The following NWD2 variants were observed in gnomAD, a reference collection of about 807,000 sequenced individuals.
NWD2 encodes NACHT and WD repeat domain containing 2.
Under a neutral mutation model 132.7 loss-of-function variants are expected in NWD2, and 37 were observed. The observed-to-expected ratio is 0.28, with a 90% CI of 0.21 to 0.37. The LOEUF is 0.37. Among genes scored for constraint, NWD2 ranks in the 10% least tolerant of loss-of-function variants. The probability of loss-of-function intolerance (pLI) is 1.00; values close to 1 mark genes in which losing one functional copy is unlikely to be tolerated. For synonymous variants in NWD2, 705 were observed against 803.0 expected, an observed-to-expected ratio of 0.88 and a Z score of 2.06; for missense variants, 1,592 against 2,122.4, an observed-to-expected ratio of 0.75 and a Z score of 4.91.
At chr4:37,259,491 T>C (rs1717586732) in intron 1 of NWD2, among the ~76,000 whole-genome samples, 1 of 152,194 alleles carries the variant, frequency 6.6e-6, no homozygotes, top group East Asian at 1.9e-4. Context: ...GTCTTCCTCG[T>C]GACCTGAGTC....
chr4:37,331,677 AC>A (rs1264667652), intron 2 of NWD2, among the ~76,000 whole-genome samples: 2 of 152,254 alleles, frequency 1.3e-5, no homozygotes, highest in East Asian at 3.9e-4. Context: ...CTGAAGGAAC[AC>A]CAAACTAAAC....
intron 3 of NWD2, among the ~76,000 whole-genome samples, chr4:37,410,284 G>A (rs970477666): frequency 6.6e-6 from 1 of 152,062 alleles, no homozygotes; most frequent in Admixed American, 6.6e-5. Flanking sequence ...ACACACATAG[G>A]CTCAAAATAA....
chr4:37,398,864 T>A (rs1720852888), intron 3 of NWD2, among the ~76,000 whole-genome samples: 1 of 152,130 alleles, frequency 6.6e-6, no homozygotes, highest in African/African-American at 2.4e-5. Context: ...GAATGCTGGC[T>A]AAGAAATAAG....
intron 3 of NWD2, among the ~76,000 whole-genome samples, chr4:37,397,053 A>G (rs1327068465): frequency 6.6e-6 from 1 of 151,112 alleles, no homozygotes; most frequent in Non-Finnish European, 1.5e-5. Flanking sequence ...AAGCGAAGCA[A>G]CTCCTCTGGT....
At chr4:37,294,224 C>T (rs879504030) in intron 1 of NWD2, among the ~76,000 whole-genome samples, 28 of 152,252 alleles carry the variant, frequency 1.8e-4, no homozygotes, top group Non-Finnish European at 2.6e-4. Flanking sequence ...TGAAACAGTA[C>T]GTACACATCG....
rs557063807 is a variant in NWD2, at chr4:37,326,957, A to G, written c.240+933A>G. Among the ~76,000 whole-genome samples the G allele has an allele frequency of 2.0e-5, 3 of 152,308 alleles. No individual in the cohort carries two copies. In the East Asian group the frequency reaches 5.8e-4, roughly 29 times the overall value. On this transcript the variant is annotated intron_variant, in intron 2 of 6. Transcript: ENST00000309447. ...CTCGAAATGGCTTCAATCTCAATGC[A>G]TAATGTCTTTGCCACCAGACCATGA... is the stretch of plus-strand genomic sequence containing the variant.
chr4:37,318,087 A>G (rs1410321490), intron 1 of NWD2, among the ~76,000 whole-genome samples: 1 of 141,562 alleles, frequency 7.1e-6, no homozygotes, highest in African/African-American at 2.6e-5. Context: ...GTGCAGTGGC[A>G]TGATCTTGGC....
intron 3 of NWD2, among the ~76,000 whole-genome samples, chr4:37,395,720 G>T (rs964892610): frequency 3.3e-5 from 5 of 151,180 alleles, no homozygotes; most frequent in Admixed American, 2.6e-4. Context: ...CAGCCTTCTG[G>T]ACCTCAAAGT....
At chr4:37,292,373 C>A (rs764357998) in intron 1 of NWD2, among the ~76,000 whole-genome samples, 2 of 152,166 alleles carry the variant, frequency 1.3e-5, no homozygotes, top group Admixed American at 6.5e-5. Flanking sequence ...ACTGCTCTAG[C>A]CCCTTGGGCC....
intron 3 of NWD2, among the ~76,000 whole-genome samples, chr4:37,363,669 G>A (rs1720026987): frequency 6.6e-6 from 1 of 152,170 alleles, no homozygotes; most frequent in Non-Finnish European, 1.5e-5. Context: ...GTGGCACAGA[G>A]AATGAGGGAG....
In NWD2 at chr4:37,446,997, C is replaced by A; in HGVS notation, c.5009C>A (p.Thr1670Lys). The stretch of plus-strand genomic sequence containing the variant: ...AGCAGACAAATTTTCAACAATGCAA[C>A]ACACACCTCCAGGCCAAAGTGTAAC... Reference protein sequence around the residue: ...SNSRQIFNNATHTSRPKCNSY... With the variant: ...SNSRQIFNNAKHTSRPKCNSY... Residue 1670 changes from threonine (T) to lysine (K), a missense_variant, in exon 7 of 7, where the codon ACA becomes AAA. Transcript: ENST00000309447. This position sits in a 1 kb window ranked among gnomAD's most constrained non-coding sequence, Gnocchi z 6.7. 2 of 1,551,676 alleles carry A rather than the reference C, an allele frequency of 1.3e-6. No individual in the cohort carries two copies. The highest frequency in any genetic ancestry group is 1.7e-6 in the Non-Finnish European group (2 of 1,147,000).
At chr4:37,254,121 A>G (rs1717456659) in intron 1 of NWD2, among the ~76,000 whole-genome samples, 1 of 152,212 alleles carries the variant, frequency 6.6e-6, no homozygotes, top group African/African-American at 2.4e-5. Flanking sequence ...TAGCTGGGTA[A>G]TGAAATAATC....
chr4:37,444,579 T>C lies in NWD2; in HGVS notation c.2591T>C (p.Met864Thr). 3.2e-6 allele frequency: 5 copies of C among 1,551,954 alleles called. No homozygotes were observed. In the South Asian group the frequency reaches 4.8e-5, roughly 15 times the overall value. ...IIMNFSWLYT[M>T]IKIGQFDKVL... ...ATGAACTTCAGCTGGCTTTATACCA[T>C]GATCAAAATTGGCCAGTTTGACAAA... Residue 864 changes from methionine (M) to threonine (T), a missense_variant, in exon 7 of 7, where the codon ATG becomes ACG. By Grantham distance (81) the Met-to-Thr change is moderately conservative (BLOSUM62 -1). Transcript: ENST00000309447. This position sits in a 1 kb window ranked among gnomAD's most constrained non-coding sequence, Gnocchi z 4.8.
chr4:37,391,083 A>G (rs1720671843), intron 3 of NWD2, among the ~76,000 whole-genome samples: 1 of 152,166 alleles, frequency 6.6e-6, no homozygotes, highest in Admixed American at 6.5e-5. Flanking sequence ...TACCACCTAC[A>G]TCTCAGAGTA....
chr4:37,438,132 G>T (rs1560255724), intron 5 of NWD2, among the ~76,000 whole-genome samples: 1 of 151,990 alleles, frequency 6.6e-6, no homozygotes, highest in Non-Finnish European at 1.5e-5. Flanking sequence ...ATGGTGGCGG[G>T]TGCCTGTAGT....
intron 3 of NWD2, among the ~76,000 whole-genome samples, chr4:37,406,101 A>G (rs772008806): frequency 3.3e-5 from 5 of 152,242 alleles, no homozygotes; most frequent in Non-Finnish European, 7.3e-5. Flanking sequence ...TGCCACTTTT[A>G]ACTCTGAACT....
intron 2 of NWD2, among the ~76,000 whole-genome samples, chr4:37,327,229 G>GT (rs1449173376): frequency 6.6e-6 from 1 of 152,142 alleles, no homozygotes; most frequent in Non-Finnish European, 1.5e-5. Flanking sequence ...CTTTAGGTTT[G>GT]TTTTTGCATC....
At chr4:37,333,096 C>A (rs1235010185) in intron 2 of NWD2, among the ~76,000 whole-genome samples, 1 of 152,102 alleles carries the variant, frequency 6.6e-6, no homozygotes, top group Non-Finnish European at 1.5e-5. Flanking sequence ...AGGTAGAATT[C>A]TGAGGTTTCC....
intron 1 of NWD2, among the ~76,000 whole-genome samples, chr4:37,262,167 G>A (rs772469403): frequency 3.3e-5 from 5 of 152,196 alleles, no homozygotes; most frequent in Admixed American, 6.5e-5. Flanking sequence ...CAAGGAACTC[G>A]TGGAAGCTGG....
Sources: allele counts gnomAD v4.1 joint callset (sites outside exome capture counted in the v4.1 genomes callset), GRCh38; gene constraint gnomAD v4.1.1; non-coding constraint Gnocchi (gnomAD v3.1); transcripts MANE v1.5; gene names NCBI Gene and HGNC (gene_info 2026-07-23, HGNC 2026-07-21).